Variants in PRPH observed in about 807,000 individuals in gnomAD.
The protein encoded by PRPH is peripherin.
In PRPH, 48 loss-of-function variants were observed where a neutral mutation model predicts 52.6. That is an observed-to-expected ratio of 0.91 (90% CI 0.72 to 1.16). PRPH has a LOEUF of 1.16. PRPH is among the 50% of genes most tolerant of loss of function. PRPH has a pLI of 0.00. For missense variants in PRPH, 579 were observed against 635.7 expected, an observed-to-expected ratio of 0.91 and a Z score of 0.96; for synonymous variants, 279 against 283.8, an observed-to-expected ratio of 0.98 and a Z score of 0.17.
rs528817064 is a variant in PRPH at position 49,295,163 on chromosome 12, C to A, written c.-38C>A. On this transcript the variant is annotated 5_prime_UTR_variant, in exon 1 of 9. Coordinates refer to ENST00000257860, the MANE Select transcript of PRPH (RefSeq NM_006262.4). ...CTGCGGCTCCTTCCCAGCCCCCGGCCTAGCTCTGCGAACGGTGACTGCCCA... is the reference window on the plus strand; with the variant it reads ...CTGCGGCTCCTTCCCAGCCCCCGGCATAGCTCTGCGAACGGTGACTGCCCA... 1.2e-6 allele frequency: 2 copies of A among 1,600,150 alleles called. No individual in the cohort carries two copies. Among genetic ancestry groups the A allele is most frequent in the East Asian group, 2.3e-5 (1 of 43,660 alleles).
chr12:49,297,079 C>T lies in PRPH; in HGVS notation c.870+23C>T. ...AAGGTGCAAGAGCCGGGAGGGCCTG[C>T]GAGGCGGGACGCTGGGGTGGTGTCG... On this transcript the variant is annotated intron_variant, in intron 4 of 8. Transcript: ENST00000257860. This position sits in a 1 kb window ranked among gnomAD's most constrained non-coding sequence, Gnocchi z 4.4. The T allele has an allele frequency of 1.2e-6, 2 of 1,613,802 alleles. No homozygotes were observed. Among genetic ancestry groups the T allele is most frequent in the South Asian group, 2.2e-5 (2 of 91,070 alleles).
chr12:49,296,830 C>T lies in PRPH; in HGVS notation c.703-59C>T. 1 of 1,564,272 alleles carries T rather than the reference C, an allele frequency of 6.4e-7. No individual in the cohort carries two copies. Among genetic ancestry groups the T allele is most frequent in the Non-Finnish European group, 8.7e-7 (1 of 1,154,304 alleles). On this transcript the variant is annotated intron_variant, in intron 3 of 8. Transcript: ENST00000257860. The surrounding 1 kb of genome is among the most constrained non-coding windows in gnomAD (Gnocchi z 5.1). ...GTTTCTTCTCTTTTCTGTGCACGAA[C>T]TGCGTGGCCCGCGTGGAATTTGCGC...
rs758873211 is a variant in PRPH, at chr12:49,298,367, G to C, written c.*14G>C. ...CACAGTTACTGAACCCCTTGGTCCG[G>C]AGCCTTGACTCTGCCCTAGGCCTGC... On this transcript the variant is annotated 3_prime_UTR_variant, in exon 9 of 9. Transcript: ENST00000257860. 1 of 1,614,076 alleles carries C rather than the reference G, an allele frequency of 6.2e-7. No homozygotes were observed. The highest frequency in any genetic ancestry group is 2.2e-5 in the East Asian group (1 of 44,874).
At position 49,295,305 on chromosome 12, in the gene PRPH, GTCCAGCTCCCGCTTC is replaced by G. The variant is rs1288916069; in HGVS notation, c.112_126del (p.Phe40_Arg44del). Reference sequence around the variant, plus strand: ...TATCCCCCGGGGCCTTCTCCTACTCGTCCAGCTCCCGCTTCTCCAGCAGCCGCCTGCTGGGCTCCG... The same window carrying G: ...TATCCCCCGGGGCCTTCTCCTACTCGTCCAGCAGCCGCCTGCTGGGCTCCG... On this transcript the variant is annotated inframe_deletion, in exon 1 of 9. Transcript: ENST00000257860. 1 of 1,611,440 alleles carries G rather than the reference GTCCAGCTCCCGCTTC, an allele frequency of 6.2e-7. No homozygotes were observed. Among genetic ancestry groups the G allele is most frequent in the Non-Finnish European group, 8.5e-7 (1 of 1,179,580 alleles).
chr12:49,296,367 C>A lies in PRPH; in HGVS notation c.607-65C>A. 6.4e-7 allele frequency: 1 copy of A among 1,562,070 alleles called. No individual in the cohort carries two copies. The highest frequency in any genetic ancestry group is 2.2e-5 in the East Asian group (1 of 44,574). On this transcript the variant is annotated intron_variant, in intron 2 of 8. Coordinates refer to ENST00000257860, the MANE Select transcript of PRPH (RefSeq NM_006262.4). The surrounding 1 kb of genome is among the most constrained non-coding windows in gnomAD (Gnocchi z 5.1). ...TGCCTCCTGAGGCAGACAGGGAAGGCCTGGTCCTTCCTTGGTCTGCGCAGC... is the reference window on the plus strand; with the variant it reads ...TGCCTCCTGAGGCAGACAGGGAAGGACTGGTCCTTCCTTGGTCTGCGCAGC...
chr12:49,296,422 C>A lies in PRPH; in HGVS notation c.607-10C>A. ...AACTTATCTTGAACCTCCACTGCCA[C>A]CCCTCGAAGGACGTGGACGATGCCA... On this transcript the variant is annotated splice_polypyrimidine_tract_variant and intron_variant, in intron 2 of 8. Transcript: ENST00000257860. This position sits in a 1 kb window ranked among gnomAD's most constrained non-coding sequence, Gnocchi z 5.1. 6.2e-7 allele frequency: 1 copy of A among 1,613,682 alleles called. No individual in the cohort carries two copies.
rs1943168870 is a variant in PRPH, at chr12:49,295,742, A to G, written c.542A>G (p.Gln181Arg). 1.3e-6 allele frequency: 2 copies of G among 1,507,868 alleles called. No individual in the cohort carries two copies. Among genetic ancestry groups the G allele is most frequent in the South Asian group, 1.3e-5 (1 of 78,910 alleles). 93.4% of individuals were successfully genotyped at this position (1,507,868 alleles called of 1,614,324 possible). The change falls in exon 1 of 9, where the codon CAG becomes CGG. Residue 181 changes from glutamine to arginine, a missense_variant. Physicochemically the swap from Gln to Arg is conservative, Grantham distance 43. Transcript: ENST00000257860. The stretch of plus-strand genomic sequence containing the variant: ...GCGGAGGACCTGGCGGCGCTCAAGC[A>G]GAGGTCAGGGGGCAGGGCTGGGCCG... ...GLAEDLAALK[Q>R]RLEEETRKRE...
At position 49,296,250 on chromosome 12, in the gene PRPH, C is replaced by A. The variant is rs368093169; in HGVS notation, c.606+12C>A. Reference sequence around the variant, plus strand: ...TGCTCTTCCGCAAGGTGAGTCCGAGCCCCTCTCCGAGTTCAGCCTCCCCAC... The same window carrying A: ...TGCTCTTCCGCAAGGTGAGTCCGAGACCCTCTCCGAGTTCAGCCTCCCCAC... On this transcript the variant is annotated intron_variant, in intron 2 of 8. Coordinates refer to ENST00000257860, the MANE Select transcript of PRPH (RefSeq NM_006262.4). The surrounding 1 kb of genome is among the most constrained non-coding windows in gnomAD (Gnocchi z 5.1). 1 of 1,612,460 alleles carries A rather than the reference C, an allele frequency of 6.2e-7. No individual in the cohort carries two copies. The highest frequency in any genetic ancestry group is 8.5e-7 in the Non-Finnish European group (1 of 1,179,584).
In PRPH at chr12:49,295,177, G is replaced by T; in HGVS notation, c.-24G>T. The T allele has an allele frequency of 5.6e-6, 9 of 1,607,248 alleles. No individual in the cohort carries two copies. The highest frequency in any genetic ancestry group is 2.3e-5 in the East Asian group (1 of 44,340). On this transcript the variant is annotated 5_prime_UTR_variant, in exon 1 of 9. Transcript: ENST00000257860. The stretch of plus-strand genomic sequence containing the variant: ...CAGCCCCCGGCCTAGCTCTGCGAAC[G>T]GTGACTGCCCATCCTTGGCCGCAAT...
chr12:49,297,253 G>T lies in PRPH; in HGVS notation c.976G>T (p.Val326Leu). The change falls in exon 5 of 9, where the codon GTG (valine) becomes TTG (leucine). Residue 326 changes from valine to leucine, a missense_variant. Transcript: ENST00000257860. This position sits in a 1 kb window ranked among gnomAD's most constrained non-coding sequence, Gnocchi z 4.4. ...RRQIQSLTCE[V>L]DGLRGTNEAL... The stretch of plus-strand genomic sequence containing the variant: ...CCAGATCCAGAGTCTAACGTGCGAG[G>T]TGGACGGGCTGCGCGGCACGGTGAG... 6.2e-7 allele frequency: 1 copy of T among 1,614,050 alleles called. No individual in the cohort carries two copies. The highest frequency in any genetic ancestry group is 1.6e-4 in the Middle Eastern group (1 of 6,062).
chr12:49,298,581 C>G lies in PRPH; in HGVS notation c.*228C>G, dbSNP rs951620717. ...TCCCTTTTCATGTCCCGATAAGAAG[C>G]CAATGATCCCCCCTCAGGACAAATC... On this transcript the variant is annotated 3_prime_UTR_variant, in exon 9 of 9. Coordinates refer to ENST00000257860, the MANE Select transcript of PRPH (RefSeq NM_006262.4). 5.7e-5 allele frequency: 32 copies of G among 563,762 alleles called. No homozygotes were observed. Among genetic ancestry groups the G allele is most frequent in the Admixed American group, 3.6e-4 (12 of 33,168 alleles). The allele number at this position is 563,762 out of a possible 1,614,324, so 34.9% of individuals were successfully genotyped here.
In PRPH at chr12:49,297,457, G is replaced by A. The variant is rs757243807; in HGVS notation, c.1097G>A (p.Arg366Gln). 6.2e-7 allele frequency: 1 copy of A among 1,611,986 alleles called. No homozygotes were observed. Among genetic ancestry groups the A allele is most frequent in the Non-Finnish European group, 8.5e-7 (1 of 1,179,786 alleles). The change falls in exon 6 of 9, where the codon CGA becomes CAA. Residue 366 changes from arginine (R) to glutamine (Q), a missense_variant. Coordinates refer to ENST00000257860, the MANE Select transcript of PRPH (RefSeq NM_006262.4). The surrounding 1 kb of genome is among the most constrained non-coding windows in gnomAD (Gnocchi z 4.4). ...AGAARLEEEL[R>Q]QLKEEMARHL... ...GCTGCGCGGCTCGAGGAGGAGCTGC[G>A]ACAGCTAAAAGAGGAGATGGCGCGG... is the stretch of plus-strand genomic sequence containing the variant.
In PRPH at chr12:49,295,150, C is replaced by G; in HGVS notation, c.-51C>G. Reference sequence around the variant, plus strand: ...GCCTCGCAGCGGTCTGCGGCTCCTTCCCAGCCCCCGGCCTAGCTCTGCGAA... The same window carrying G: ...GCCTCGCAGCGGTCTGCGGCTCCTTGCCAGCCCCCGGCCTAGCTCTGCGAA... On this transcript the variant is annotated 5_prime_UTR_variant, in exon 1 of 9. Coordinates refer to ENST00000257860, the MANE Select transcript of PRPH (RefSeq NM_006262.4). 6.3e-7 allele frequency: 1 copy of G among 1,584,192 alleles called. No individual in the cohort carries two copies. Among genetic ancestry groups the G allele is most frequent in the Non-Finnish European group, 8.6e-7 (1 of 1,167,374 alleles).
Position 49,298,588 on chromosome 12 carries a change from T to G in PRPH, c.*235T>G. On this transcript the variant is annotated 3_prime_UTR_variant, in exon 9 of 9. Transcript: ENST00000257860. ...TCATGTCCCGATAAGAAGCCAATGA[T>G]CCCCCCTCAGGACAAATCTACTCCA... The G allele has an allele frequency of 1.8e-6, 1 of 555,258 alleles. No individual in the cohort carries two copies. Among genetic ancestry groups the G allele is most frequent in the Non-Finnish European group, 3.2e-6 (1 of 307,702 alleles). The allele number at this position is 555,258 out of a possible 1,614,324, so 34.4% of individuals were successfully genotyped here.
rs1379844629 is a variant in PRPH at position 49,297,227 on chromosome 12, G to T, written c.950G>T (p.Arg317Leu). The T allele has an allele frequency of 6.2e-7, 1 of 1,614,024 alleles. No homozygotes were observed. Among genetic ancestry groups the T allele is most frequent in the East Asian group, 2.2e-5 (1 of 44,862 alleles). Residue 317 changes from arginine (R) to leucine (L), a missense_variant, in exon 5 of 9, where the codon CGC becomes CTC. Coordinates refer to ENST00000257860, the MANE Select transcript of PRPH (RefSeq NM_006262.4). This position sits in a 1 kb window ranked among gnomAD's most constrained non-coding sequence, Gnocchi z 4.4. ...AAGCAGGAGATGAACGAGTCCCGAC[G>T]CCAGATCCAGAGTCTAACGTGCGAG... Reference protein sequence around the residue: ...QAKQEMNESRRQIQSLTCEVD... With the variant: ...QAKQEMNESRLQIQSLTCEVD...
chr12:49,297,755 C>T lies in PRPH; in HGVS notation c.1267+29C>T, dbSNP rs370717932. On this transcript the variant is annotated intron_variant, in intron 7 of 8. Coordinates refer to ENST00000257860, the MANE Select transcript of PRPH (RefSeq NM_006262.4). This position sits in a 1 kb window ranked among gnomAD's most constrained non-coding sequence, Gnocchi z 4.4. ...AGTCTGGCTTACAGCCTGTACCTCT[C>T]CTTGTCCACTTCTGCCCTCCTCGGG... The T allele has an allele frequency of 9.9e-6, 16 of 1,611,664 alleles. No individual in the cohort carries two copies. The highest frequency in any genetic ancestry group is 9.9e-5 in the South Asian group (9 of 91,072).
Position 49,296,737 on chromosome 12 carries a change from C to G in PRPH, c.703-152C>G, listed in dbSNP as rs1348807869. The G allele has an allele frequency of 7.6e-7, 1 of 1,315,832 alleles. No homozygotes were observed. The highest frequency in any genetic ancestry group is 1.0e-6 in the Non-Finnish European group (1 of 964,572). 81.5% of individuals were successfully genotyped at this position (1,315,832 alleles called of 1,614,324 possible). ...GTACCTCCGAAACCTGGCCTCTGGT[C>G]TCGCGCCCGCGGGGGCGCAGGGCTG... On this transcript the variant is annotated intron_variant, in intron 3 of 8. Transcript: ENST00000257860. This position sits in a 1 kb window ranked among gnomAD's most constrained non-coding sequence, Gnocchi z 5.1.
Position 49,297,915 on chromosome 12 carries a change from T to G in PRPH, c.1268-43T>G, listed in dbSNP as rs1943210584. The G allele has an allele frequency of 6.2e-7, 1 of 1,608,338 alleles. No individual in the cohort carries two copies. The highest frequency in any genetic ancestry group is 8.5e-7 in the Non-Finnish European group (1 of 1,174,956). On this transcript the variant is annotated intron_variant, in intron 7 of 8. Transcript: ENST00000257860. The surrounding 1 kb of genome is among the most constrained non-coding windows in gnomAD (Gnocchi z 4.4). ...GCAGTGGGAGCCTAAGAGGAGAGAT[T>G]CCCACGCCTTCCCCCTTGAACCCTT...
Position 49,297,308 on chromosome 12 carries a change from C to A in PRPH, c.996+35C>A, listed in dbSNP as rs1038199227. ...AAGCTGCGCGCTCGGGCCCGGGGAG[C>A]GGACGATGAAATGTTCTGCAACTGG... is the stretch of plus-strand genomic sequence containing the variant. On this transcript the variant is annotated intron_variant, in intron 5 of 8. Transcript: ENST00000257860. This position sits in a 1 kb window ranked among gnomAD's most constrained non-coding sequence, Gnocchi z 4.4. The A allele has an allele frequency of 3.7e-6, 6 of 1,613,608 alleles. No homozygotes were observed. The highest frequency in any genetic ancestry group is 4.2e-6 in the Non-Finnish European group (5 of 1,179,958).
Sources: allele counts gnomAD v4.1 joint callset, GRCh38; gene constraint gnomAD v4.1.1; non-coding constraint Gnocchi (gnomAD v3.1); transcripts MANE v1.5; gene names NCBI Gene and HGNC (gene_info 2026-07-23, HGNC 2026-07-21).